DACH1: variants seen among roughly 807,000 people sequenced by gnomAD.
The protein encoded by DACH1 is dachshund family transcription factor 1.
A neutral mutation model predicts 54.2 loss-of-function variants in DACH1; 12 were observed. The observed-to-expected ratio is 0.22, with a 90% CI of 0.14 to 0.36. The LOEUF (loss-of-function observed/expected upper bound fraction) is 0.36, where lower values mean the gene tolerates loss of function less well. Among genes scored for constraint, DACH1 ranks in the 10% least tolerant of loss-of-function variants. The pLI is 1.00. For missense variants in DACH1, 805 were observed against 929.8 expected (o/e 0.87, Z 1.75); for synonymous variants, 386 against 366.2 (o/e 1.05, Z -0.62).
At chr13:71,506,992 A>G (rs1431384176) in intron 6 of DACH1, among the ~76,000 whole-genome samples, 2 of 151,346 alleles carry the variant, frequency 1.3e-5, no homozygotes, top group Non-Finnish European at 2.9e-5. Context: ...GGACATAGGC[A>G]TGGGCAAGGA....
intron 1 of DACH1, among the ~76,000 whole-genome samples, chr13:71,740,380 T>G (rs1884331143): frequency 6.6e-6 from 1 of 152,152 alleles, no homozygotes; most frequent in Admixed American, 6.5e-5. Flanking sequence ...CTTTAAAAAG[T>G]ATGTCCCTAT....
intron 1 of DACH1, among the ~76,000 whole-genome samples, chr13:71,819,691 T>C (rs1162066317): frequency 1.3e-5 from 2 of 152,222 alleles, no homozygotes; most frequent in East Asian, 3.9e-4. Context: ...GTAAAGGCTC[T>C]GTTTCATCAT....
chr13:71,731,829 G>A (rs1012457583), intron 1 of DACH1, among the ~76,000 whole-genome samples: 1 of 152,168 alleles, frequency 6.6e-6, no homozygotes, highest in Admixed American at 6.5e-5. Flanking sequence ...TTCTTCAGCA[G>A]TTATTTTAAG....
At chr13:71,837,520 T>C (rs1016363249) in intron 1 of DACH1, among the ~76,000 whole-genome samples, 4 of 152,102 alleles carry the variant, frequency 2.6e-5, no homozygotes, top group African/African-American at 9.7e-5. Context: ...GTAGAAGGTA[T>C]AGATAGTCAA....
chr13:71,458,451 C>G lies in DACH1; in HGVS notation c.2083+16690G>C, dbSNP rs143730314. On this transcript the variant is annotated intron_variant, in intron 10 of 10. Transcript: ENST00000613252. ...GCAATTTATATGCATTTCAGAAGTA[C>G]TGGGTTAAAGTGGATACTTTATTAA... Among the ~76,000 whole-genome samples the G allele has an allele frequency of 1.7e-3, 251 of 151,952 alleles. 2 individuals are homozygous for G. Among genetic ancestry groups the G allele is most frequent in the African/African-American group, 5.7e-3 (237 of 41,516 alleles).
intron 6 of DACH1, among the ~76,000 whole-genome samples, chr13:71,524,670 CT>C (rs1161226580): frequency 2.0e-5 from 3 of 151,758 alleles, no homozygotes; most frequent in Non-Finnish European, 4.4e-5. Flanking sequence ...TGCTTTTTTT[CT>C]TTTTTGGTGA....
At chr13:71,798,593 C>T (rs1050547999) in intron 1 of DACH1, among the ~76,000 whole-genome samples, 21 of 151,618 alleles carry the variant, frequency 1.4e-4, no homozygotes, top group African/African-American at 4.6e-4. Context: ...TCTCATTATG[C>T]CATTAACAAT....
At chr13:71,854,838 G>A (rs1482932178) in intron 1 of DACH1, among the ~76,000 whole-genome samples, 1 of 151,982 alleles carries the variant, frequency 6.6e-6, no homozygotes, top group Non-Finnish European at 1.5e-5. Flanking sequence ...TATAAATATG[G>A]CATCAGGTGA....
intron 4 of DACH1, among the ~76,000 whole-genome samples, chr13:71,564,283 AC>A (rs1327302437): frequency 1.3e-5 from 2 of 152,186 alleles, no homozygotes; most frequent in Admixed American, 1.3e-4. Flanking sequence ...TTTGTGTAAT[AC>A]CCTTTAACGT....
At chr13:71,824,680 C>T (rs746370308) in intron 1 of DACH1, among the ~76,000 whole-genome samples, 28 of 152,014 alleles carry the variant, frequency 1.8e-4, no homozygotes, top group Non-Finnish European at 3.4e-4. Context: ...AACTCTTTCT[C>T]GTCCCCAGGG....
intron 1 of DACH1, among the ~76,000 whole-genome samples, chr13:71,822,010 G>A (rs1035713109): frequency 2.6e-5 from 4 of 151,980 alleles, no homozygotes; most frequent in Non-Finnish European, 5.9e-5. Flanking sequence ...GCAGTGAACC[G>A]AGATCGCACC....
intron 1 of DACH1, among the ~76,000 whole-genome samples, chr13:71,811,935 T>C (rs2138152859): frequency 6.6e-6 from 1 of 152,298 alleles, no homozygotes; most frequent in Non-Finnish European, 1.5e-5. Flanking sequence ...ACTGAAAAAC[T>C]TTCCTTCTAC....
Position 71,838,358 on chromosome 13 carries a change from A to T in DACH1, c.848+27564T>A, listed in dbSNP as rs373201021. ...AGAACAACACATTATTCTCCAGTAG[A>T]TGTAACTGTCATAGCTTTGTACATT... is the stretch of plus-strand genomic sequence containing the variant. On this transcript the variant is annotated intron_variant, in intron 1 of 10. Coordinates refer to ENST00000613252, the MANE Select transcript of DACH1 (RefSeq NM_080759.6). Among the ~76,000 whole-genome samples, 5 of 152,200 alleles carry T rather than the reference A, an allele frequency of 3.3e-5. No individual in the cohort carries two copies. The East Asian group carries it at 5.8e-4, about 18-fold the overall frequency.
chr13:71,638,840 A>C (rs1218853224), intron 2 of DACH1, among the ~76,000 whole-genome samples: 1 of 152,204 alleles, frequency 6.6e-6, no homozygotes, highest in African/African-American at 2.4e-5. Flanking sequence ...GAGAAACTTA[A>C]TGCCTTACAT....
chr13:71,475,102 T>G (rs574623547), intron 10 of DACH1, 39 bp downstream of exon 10: 1 of 1,586,440 alleles, frequency 6.3e-7, no homozygotes, highest in Admixed American at 1.7e-5. Flanking sequence ...AAAACTCATA[T>G]AGCAAGATCT....
At chr13:71,554,621 T>C (rs1304009198) in intron 6 of DACH1, among the ~76,000 whole-genome samples, 1 of 152,146 alleles carries the variant, frequency 6.6e-6, no homozygotes, top group Non-Finnish European at 1.5e-5. Flanking sequence ...CACAGTTGTT[T>C]TAACTCTTGT....
intron 1 of DACH1, among the ~76,000 whole-genome samples, chr13:71,786,190 T>C (rs762066952): frequency 6.6e-6 from 1 of 152,172 alleles, no homozygotes; most frequent in African/African-American, 2.4e-5. Flanking sequence ...TTAGTTGAAA[T>C]AGCAAGACAT....
At chr13:71,497,424 T>TG (rs1239432646) in intron 6 of DACH1, among the ~76,000 whole-genome samples, 3 of 151,894 alleles carry the variant, frequency 2.0e-5, no homozygotes, top group Non-Finnish European at 4.4e-5. Flanking sequence ...CTCTGCATCC[T>TG]GGGTTCAGGT....
chr13:71,582,999 A>C (rs1477334957), intron 3 of DACH1, among the ~76,000 whole-genome samples: 1 of 152,332 alleles, frequency 6.6e-6, no homozygotes, highest in African/African-American at 2.4e-5. Flanking sequence ...TTGCCATGAC[A>C]ATGAGAGTTA....
Sources: gnomAD v4.1 joint callset for allele counts (sites outside exome capture counted in the v4.1 genomes callset) on GRCh38, gnomAD v4.1.1 for gene constraint, MANE v1.5 for transcripts, NCBI Gene and HGNC (gene_info 2026-07-23, HGNC 2026-07-21) for gene names.